INSC: variants seen among roughly 807,000 people sequenced by gnomAD.
The protein encoded by INSC is protein inscuteable homolog.
A neutral mutation model predicts 58.6 loss-of-function variants in INSC; 67 were observed. The ratio of observed to expected loss-of-function variants is 1.14; its 90% CI spans 0.94 to 1.40. INSC has a LOEUF of 1.40. Among genes scored for constraint, INSC ranks in the 40% most tolerant of loss-of-function variants. INSC has a pLI of 0.00. For synonymous variants in INSC, 262 were observed against 276.1 expected (o/e 0.95, Z 0.51); for missense variants, 714 against 692.0 (o/e 1.03, Z -0.36).
intron 9 of INSC, 62 bp downstream of exon 9, chr11:15,225,890 C>A: frequency 6.6e-7 from 1 of 1,512,760 alleles, no homozygotes; most frequent in South Asian, 1.2e-5. Context: ...AGTTAGGAGG[C>A]CAGCACGTAG....
chr11:15,156,443 C>T (rs1181242178), intron 2 of INSC, among the ~76,000 whole-genome samples: 1 of 152,138 alleles, frequency 6.6e-6, no homozygotes, highest in Non-Finnish European at 1.5e-5. Flanking sequence ...TCTCACATTG[C>T]CTGGATTTTT....
At chr11:15,234,235 G>A (rs922215065) in intron 9 of INSC, among the ~76,000 whole-genome samples, 1 of 152,198 alleles carries the variant, frequency 6.6e-6, no homozygotes, top group Non-Finnish European at 1.5e-5. Flanking sequence ...CCCTGATGGG[G>A]TCTGAGCTGG....
the INSC span, among the ~76,000 whole-genome samples, chr11:15,259,048 C>G: frequency 6.6e-6 from 1 of 152,102 alleles, no homozygotes; most frequent in African/African-American, 2.4e-5. Context: ...AGCTCCTGGT[C>G]CACTGGGCTC....
At chr11:15,193,190 G>A (rs1376366643) in intron 6 of INSC, among the ~76,000 whole-genome samples, 10 of 152,210 alleles carry the variant, frequency 6.6e-5, no homozygotes, top group Non-Finnish European at 1.2e-4. Context: ...CCTTACTTAA[G>A]TAAAAGATTA....
At chr11:15,191,957 T>TA (rs1850194201) in intron 6 of INSC, among the ~76,000 whole-genome samples, 1 of 152,218 alleles carries the variant, frequency 6.6e-6, no homozygotes, top group African/African-American at 2.4e-5. Context: ...AGTCTCTGCC[T>TA]AAGCTTTCCT....
chr11:15,129,685 G>T (rs1848080867), intron 1 of INSC, among the ~76,000 whole-genome samples: 1 of 152,096 alleles, frequency 6.6e-6, no homozygotes, highest in African/African-American at 2.4e-5. Flanking sequence ...GTTTATGCTG[G>T]TATCTAGAAC....
rs546930006 is a variant in INSC, at chr11:15,189,706, G to A, written c.580-995G>A. The stretch of plus-strand genomic sequence containing the variant: ...GAAACCACATGAGTGGCTGCTCAGA[G>A]CACCCAGGTCTGGAGGTCTTACTTT... On this transcript the variant is annotated intron_variant, in intron 5 of 12. Transcript: ENST00000379556. Among the ~76,000 whole-genome samples, 3 of 152,318 alleles carry A rather than the reference G, an allele frequency of 2.0e-5. No individual in the cohort carries two copies. The South Asian group carries it at 6.2e-4, about 32-fold the overall frequency.
chr11:15,133,322 T>C (rs1400625853), intron 1 of INSC, among the ~76,000 whole-genome samples: 1 of 152,230 alleles, frequency 6.6e-6, no homozygotes, highest in East Asian at 1.9e-4. Flanking sequence ...TGTATTTTAA[T>C]GTAGAAAAGT....
intron 10 of INSC, among the ~76,000 whole-genome samples, chr11:15,237,831 C>T (rs1362543883): frequency 6.6e-6 from 1 of 152,030 alleles, no homozygotes; most frequent in Non-Finnish European, 1.5e-5. Context: ...GAAATGAGGT[C>T]CTAGGGTTAA....
intron 1 of INSC, among the ~76,000 whole-genome samples, chr11:15,141,530 T>C (rs140315696): frequency 0.011 from 1,749 of 152,292 alleles, 21 homozygotes; most frequent in Non-Finnish European, 0.02. Context: ...TGAGGGGCTA[T>C]TGGGGCTTCC....
At chr11:15,175,615 G>T in intron 2 of INSC, 126 bp from the exon 3 acceptor site, 1 of 586,048 alleles carries the variant, frequency 1.7e-6, no homozygotes, top group Non-Finnish European at 2.8e-6. Context: ...ATATCAAGGT[G>T]CATGAATGGG....
At chr11:15,251,765 A>C (rs568411015), downstream of INSC, among the ~76,000 whole-genome samples, 2 of 152,114 alleles carry the variant, frequency 1.3e-5, no homozygotes, top group Admixed American at 1.3e-4. Flanking sequence ...AGCTGGTGGG[A>C]TGGTAAAATT....
At chr11:15,187,710 AT>A (rs201318285) in intron 5 of INSC, among the ~76,000 whole-genome samples, 7 of 151,728 alleles carry the variant, frequency 4.6e-5, no homozygotes, top group African/African-American at 1.7e-4. Context: ...TTAAGATGTT[AT>A]TTTTTTTGTT....
chr11:15,254,899 G>C, the INSC span, among the ~76,000 whole-genome samples: 1 of 152,280 alleles, frequency 6.6e-6, no homozygotes, highest in East Asian at 1.9e-4. Context: ...GAAAAGCTGG[G>C]ACTTGGATCC....
chr11:15,223,994 TTGTAA>T (rs1344100891), intron 8 of INSC, among the ~76,000 whole-genome samples: 2 of 152,182 alleles, frequency 1.3e-5, no homozygotes, highest in Admixed American at 6.5e-5. Flanking sequence ...CAGAAGCAAC[TTGTAA>T]TGTAGAAAGA....
chr11:15,216,250 G>T (rs1487696141), intron 7 of INSC, among the ~76,000 whole-genome samples: 1 of 152,220 alleles, frequency 6.6e-6, no homozygotes, highest in African/African-American at 2.4e-5. Context: ...CTCAGCAGGA[G>T]ATCAGGGCAA....
At chr11:15,155,748 A>C (rs1263001542) in intron 2 of INSC, among the ~76,000 whole-genome samples, 3 of 152,208 alleles carry the variant, frequency 2.0e-5, no homozygotes, top group Non-Finnish European at 2.9e-5. Flanking sequence ...AGACTTTTAA[A>C]GTTCCATTCT....
At chr11:15,220,369 G>A (rs913669741) in intron 7 of INSC, among the ~76,000 whole-genome samples, 3 of 152,116 alleles carry the variant, frequency 2.0e-5, no homozygotes, top group Non-Finnish European at 4.4e-5. Context: ...TGGTGTCCGG[G>A]GCATCTGAGG....
chr11:15,234,455 T>C (rs1026793386), intron 9 of INSC, among the ~76,000 whole-genome samples: 2 of 152,240 alleles, frequency 1.3e-5, no homozygotes, highest in African/African-American at 4.8e-5. Flanking sequence ...ATGTAGATAA[T>C]ACTCTTTCTT....
Sources: allele counts gnomAD v4.1 joint callset (sites outside exome capture counted in the v4.1 genomes callset), GRCh38; gene constraint gnomAD v4.1.1; transcripts MANE v1.5; gene names NCBI Gene and HGNC (gene_info 2026-07-23, HGNC 2026-07-21).